The following FRMD4A variants were observed in gnomAD, a reference collection of about 807,000 sequenced individuals.
The protein encoded by FRMD4A is FERM domain-containing protein 4A.
Under a neutral mutation model 129.1 loss-of-function variants are expected in FRMD4A, and 29 were observed. That is an observed-to-expected ratio of 0.22 (90% CI 0.17 to 0.31). The LOEUF (loss-of-function observed/expected upper bound fraction) is 0.31, where lower values mean the gene tolerates loss of function less well. FRMD4A is among the 10% of genes least tolerant of loss of function. The probability of loss-of-function intolerance (pLI) is 1.00; values close to 1 mark genes in which losing one functional copy is unlikely to be tolerated. For synonymous variants in FRMD4A, 634 were observed against 571.6 expected, an observed-to-expected ratio of 1.11 and a Z score of -1.56; for missense variants, 1,272 against 1,375.8, an observed-to-expected ratio of 0.92 and a Z score of 1.19.
Position 14,296,078 on chromosome 10 carries a change from C to T in FRMD4A, c.45+33980G>A, listed in dbSNP as rs569462108. The stretch of plus-strand genomic sequence containing the variant: ...GGAGAAAATGCAAAAATAATCACCT[C>T]GCCTGGCGACGGGGGGTCTCTGGTC... On this transcript the variant is annotated intron_variant, in intron 2 of 24. Coordinates refer to ENST00000357447, the MANE Select transcript of FRMD4A (RefSeq NM_018027.5). Among the ~76,000 whole-genome samples the T allele has an allele frequency of 1.3e-4, 20 of 151,984 alleles. No individual in the cohort carries two copies. In the East Asian group the frequency reaches 2.7e-3, roughly 21 times the overall value.
chr10:13,940,860 G>A (rs148551412), intron 2 of FRMD4A, among the ~76,000 whole-genome samples: 6 of 152,266 alleles, frequency 3.9e-5, no homozygotes, highest in South Asian at 2.1e-4. Flanking sequence ...CCAACCCTCC[G>A]GTAAACCATG....
chr10:14,268,135 T>TA (rs971881615), intron 2 of FRMD4A, among the ~76,000 whole-genome samples: 1 of 150,138 alleles, frequency 6.7e-6, no homozygotes, highest in Admixed American at 6.6e-5. Context: ...TAATGAGAAC[T>TA]AAAAAAATGA....
At chr10:14,246,152 T>G (rs532814017) in intron 2 of FRMD4A, among the ~76,000 whole-genome samples, 48 of 152,288 alleles carry the variant, frequency 3.2e-4, no homozygotes, top group African/African-American at 1.1e-3. Flanking sequence ...AGAAACTCCA[T>G]GTCAATGCTT....
intron 2 of FRMD4A, among the ~76,000 whole-genome samples, chr10:14,236,319 A>G (rs181287348): frequency 1.1e-4 from 16 of 152,342 alleles, no homozygotes; most frequent in Admixed American, 2.0e-4. Context: ...CCAAGAAGGA[A>G]ATGCAGGCTG....
chr10:13,954,400 C>T lies in FRMD4A; in HGVS notation c.46-95488G>A, dbSNP rs546076668. 3.3e-5 allele frequency among the ~76,000 whole-genome samples: 5 copies of T among 152,244 alleles called. No individual in the cohort carries two copies. The East Asian group carries it at 9.7e-4, about 29-fold the overall frequency. The stretch of plus-strand genomic sequence containing the variant: ...GAGAGCGTGTGCGGGGGAACTCACA[C>T]GTTTACAAAACCATCAGATCTCCTG... On this transcript the variant is annotated intron_variant, in intron 2 of 24. Transcript: ENST00000357447.
At chr10:13,904,992 C>CAA (rs397772526) in intron 2 of FRMD4A, among the ~76,000 whole-genome samples, 2,797 of 109,314 alleles carry the variant, frequency 0.026, 107 homozygotes, top group East Asian at 0.15. Flanking sequence ...GACTCTATCT[C>CAA]AAAAAAAAAA....
chr10:14,178,582 T>C (rs747829096), intron 2 of FRMD4A, among the ~76,000 whole-genome samples: 45 of 152,132 alleles, frequency 3.0e-4, no homozygotes, highest in Non-Finnish European at 5.6e-4. Context: ...GTGGTGGGGA[T>C]TAGAAAATAT....
chr10:14,180,035 A>G (rs1841860376), intron 2 of FRMD4A, among the ~76,000 whole-genome samples: 1 of 152,204 alleles, frequency 6.6e-6, no homozygotes, highest in African/African-American at 2.4e-5. Flanking sequence ...GAATCCATCA[A>G]AAAAACAAAG....
intron 2 of FRMD4A, among the ~76,000 whole-genome samples, chr10:14,158,626 A>T (rs911740442): frequency 1.4e-5 from 2 of 145,960 alleles, no homozygotes; most frequent in South Asian, 2.1e-4. Context: ...AAAAATAAAT[A>T]AAAAAAAAGA....
chr10:13,871,955 C>T (rs557595866), intron 2 of FRMD4A, among the ~76,000 whole-genome samples: 1 of 152,374 alleles, frequency 6.6e-6, no homozygotes, highest in South Asian at 2.1e-4. Flanking sequence ...ATCCTGGCTT[C>T]ACCACTTCCT....
At chr10:14,092,719 A>G (rs1390474333) in intron 2 of FRMD4A, among the ~76,000 whole-genome samples, 1 of 152,244 alleles carries the variant, frequency 6.6e-6, no homozygotes, top group Non-Finnish European at 1.5e-5. Flanking sequence ...GATACTCAGC[A>G]ATTCACAGGC....
chr10:14,194,229 CTCATCCATCTCTGCGTTCCT>C (rs1842403595), intron 2 of FRMD4A, among the ~76,000 whole-genome samples: 1 of 152,232 alleles, frequency 6.6e-6, no homozygotes, highest in South Asian at 2.1e-4. Context: ...CCTTCCTTGA[CTCATCCATCTCTGCGTTCCT>C]TCATTCACTC....
chr10:14,112,297 T>A (rs1317975962), intron 2 of FRMD4A, among the ~76,000 whole-genome samples: 1 of 135,446 alleles, frequency 7.4e-6, no homozygotes, highest in Non-Finnish European at 1.6e-5. Flanking sequence ...AGCAGTAACA[T>A]GATTAATGTG....
At chr10:13,771,105 T>G (rs2400011) in intron 6 of FRMD4A, among the ~76,000 whole-genome samples, 2,152 of 151,992 alleles carry the variant, frequency 0.014, 98 homozygotes, top group South Asian at 0.12. Flanking sequence ...AAGAGATGAG[T>G]TCTCTGTCAT....
intron 2 of FRMD4A, among the ~76,000 whole-genome samples, chr10:13,996,966 A>G (rs1022478374): frequency 4.6e-5 from 7 of 151,122 alleles, no homozygotes; most frequent in Non-Finnish European, 1.5e-5. Flanking sequence ...GATTACATCA[A>G]GCCATTGAAA....
chr10:13,677,929 T>C (rs1479427090), intron 15 of FRMD4A, among the ~76,000 whole-genome samples: 5 of 152,136 alleles, frequency 3.3e-5, no homozygotes, highest in Non-Finnish European at 5.9e-5. Flanking sequence ...AAGTGAAAAA[T>C]TCATTGTTTT....
chr10:13,660,997 C>T (rs1002295878), intron 19 of FRMD4A, among the ~76,000 whole-genome samples: 4 of 152,020 alleles, frequency 2.6e-5, no homozygotes, highest in Admixed American at 6.5e-5. Flanking sequence ...GATCCTCAGC[C>T]GACACATAGT....
At chr10:13,975,770 T>C (rs539158561) in intron 2 of FRMD4A, among the ~76,000 whole-genome samples, 1 of 152,072 alleles carries the variant, frequency 6.6e-6, no homozygotes, top group Admixed American at 6.5e-5. Flanking sequence ...TGTGTGTGTG[T>C]ACACACCTTC....
At chr10:14,214,020 G>A (rs1197619415) in intron 2 of FRMD4A, among the ~76,000 whole-genome samples, 1 of 152,250 alleles carries the variant, frequency 6.6e-6, no homozygotes, top group Non-Finnish European at 1.5e-5. Flanking sequence ...GTAAAGGGCA[G>A]TTCCCCTGCA....
Sources: gnomAD v4.1 joint callset for allele counts (sites outside exome capture counted in the v4.1 genomes callset) on GRCh38, gnomAD v4.1.1 for gene constraint, MANE v1.5 for transcripts, NCBI Gene and HGNC (gene_info 2026-07-23, HGNC 2026-07-21) for gene names.